Variants in IPMK observed in about 807,000 individuals in gnomAD.
The protein encoded by IPMK is inositol 1,3,4,6-tetrakisphosphate 5-kinase.
Under a neutral mutation model 45.8 loss-of-function variants are expected in IPMK, and 17 were observed. The observed-to-expected ratio is 0.37, with a 90% CI of 0.25 to 0.56. The LOEUF (loss-of-function observed/expected upper bound fraction) is 0.56. IPMK is among the 20% of genes least tolerant of loss of function. The pLI is 0.79. For missense variants in IPMK, 399 were observed against 498.0 expected (o/e 0.80, Z 1.89); for synonymous variants, 180 against 184.3 (o/e 0.98, Z 0.19).
chr10:58,237,464 T>C (rs998390231), intron 2 of IPMK, among the ~76,000 whole-genome samples: 2 of 152,224 alleles, frequency 1.3e-5, no homozygotes, highest in African/African-American at 4.8e-5. Flanking sequence ...AAATGTTGCC[T>C]CACACAGAGG....
chr10:58,200,959 A>G (rs1242201211), intron 4 of IPMK, among the ~76,000 whole-genome samples: 1 of 152,192 alleles, frequency 6.6e-6, no homozygotes, highest in African/African-American at 2.4e-5. Context: ...TATCATTTCT[A>G]TGTGTTCACA....
chr10:58,196,828 G>T (rs1456881280), intron 5 of IPMK, 130 bp from the exon 6 acceptor site: 3 of 649,696 alleles, frequency 4.6e-6, no homozygotes, highest in African/African-American at 1.9e-5. Flanking sequence ...GTTAATCCTA[G>T]AATTCTAAGA....
intron 1 of IPMK, among the ~76,000 whole-genome samples, chr10:58,255,291 G>A (rs1349192886): frequency 6.6e-6 from 1 of 152,230 alleles, no homozygotes; most frequent in African/African-American, 2.4e-5. Context: ...CTGTGACATG[G>A]AGCTGGAGTG....
chr10:58,197,538 T>A (rs962974664), intron 5 of IPMK, among the ~76,000 whole-genome samples: 5 of 150,766 alleles, frequency 3.3e-5, no homozygotes, highest in Admixed American at 6.6e-5. Flanking sequence ...TAGTCCTAGA[T>A]ACTCGGGAGG....
chr10:58,192,941 T>G lies in IPMK; in HGVS notation c.*3135A>C, dbSNP rs894741469. The G allele has an allele frequency of 6.6e-6, 1 of 151,950 alleles. No homozygotes were observed. Among genetic ancestry groups the G allele is most frequent in the African/African-American group, 2.4e-5 (1 of 41,436 alleles). 9.4% of individuals were successfully genotyped at this position (151,950 alleles called of 1,614,324 possible). A position where few individuals can be genotyped will look rare whatever the true frequency, so the allele number is the denominator to read the frequency against. On this transcript the variant is annotated 3_prime_UTR_variant, in exon 6 of 6. Coordinates refer to ENST00000373935, the MANE Select transcript of IPMK (RefSeq NM_152230.5). ...GAAGGTAAGCATTATAAACAATTTT[T>G]AAAGCAAAACAAGTTTTAAAGTATA...
chr10:58,231,611 A>G (rs1838521958), intron 2 of IPMK, among the ~76,000 whole-genome samples: 1 of 152,204 alleles, frequency 6.6e-6, no homozygotes. Context: ...AAAATCCTTT[A>G]CAGACAAGTA....
chr10:58,240,896 C>T (rs1838687113), intron 1 of IPMK, among the ~76,000 whole-genome samples: 1 of 152,054 alleles, frequency 6.6e-6, no homozygotes, highest in Non-Finnish European at 1.5e-5. Flanking sequence ...GAAAAAGTGA[C>T]CATCAGAGGT....
Position 58,213,618 on chromosome 10 carries a change from C to T in IPMK, c.546+2527G>A, listed in dbSNP as rs571662440. Among the ~76,000 whole-genome samples the T allele has an allele frequency of 1.8e-3, 270 of 150,400 alleles. 1 individual carries two copies. Among genetic ancestry groups the T allele is most frequent in the African/African-American group, 6.3e-3 (259 of 40,910 alleles). On this transcript the variant is annotated intron_variant, in intron 4 of 5. Coordinates refer to ENST00000373935, the MANE Select transcript of IPMK (RefSeq NM_152230.5). The stretch of plus-strand genomic sequence containing the variant: ...AGGAGAATGGCATGAAGCCAGGAGG[C>T]GGAGCTTGCAGTGAGCAGAGATGCG...
At chr10:58,266,007 T>C (rs1839141906) in intron 1 of IPMK, among the ~76,000 whole-genome samples, 1 of 152,224 alleles carries the variant, frequency 6.6e-6, no homozygotes, top group Non-Finnish European at 1.5e-5. Flanking sequence ...TATAAATCAA[T>C]AGGCATTCCT....
At chr10:58,232,755 G>A (rs2590319) in intron 2 of IPMK, among the ~76,000 whole-genome samples, 51,494 of 151,908 alleles carry the variant, frequency 0.34, 10,968 homozygotes, top group African/African-American at 0.61. Flanking sequence ...ACACCCTAAC[G>A]TCACAATTAA....
chr10:58,243,143 A>T (rs1449261574), intron 1 of IPMK, among the ~76,000 whole-genome samples: 1 of 152,206 alleles, frequency 6.6e-6, no homozygotes, highest in Non-Finnish European at 1.5e-5. Flanking sequence ...TAGGAAAAAA[A>T]TCAGAGAAAG....
rs145199189 is a variant in IPMK at position 58,237,494 on chromosome 10, C to A, written c.276+235G>T. Among the ~76,000 whole-genome samples the A allele has an allele frequency of 4.2e-3, 637 of 152,238 alleles. 3 individuals are homozygous for A. The highest frequency in any genetic ancestry group is 0.015 in the African/African-American group (608 of 41,536). On this transcript the variant is annotated intron_variant, in intron 2 of 5. Coordinates refer to ENST00000373935, the MANE Select transcript of IPMK (RefSeq NM_152230.5). ...CAGAGGGTAATTTTAATTTCCTTAACCTGAGAAGAAGTATCTACCATAAAC... is the reference window on the plus strand; with the variant it reads ...CAGAGGGTAATTTTAATTTCCTTAAACTGAGAAGAAGTATCTACCATAAAC...
intron 1 of IPMK, among the ~76,000 whole-genome samples, chr10:58,260,638 T>C (rs1034625674): frequency 1.3e-5 from 2 of 152,132 alleles, no homozygotes; most frequent in Non-Finnish European, 2.9e-5. Context: ...GGCATATTTT[T>C]AATAAATTTA....
intron 4 of IPMK, 60 bp downstream of exon 4, chr10:58,216,085 A>AT: frequency 8.9e-7 from 1 of 1,118,098 alleles, no homozygotes; most frequent in Non-Finnish European, 1.2e-6. Flanking sequence ...GACATCCATA[A>AT]TTTTCAAGGG....
chr10:58,267,376 G>A (rs751077537), intron 1 of IPMK, 46 bp downstream of exon 1: 1 of 1,591,524 alleles, frequency 6.3e-7, no homozygotes, highest in South Asian at 1.1e-5. Flanking sequence ...CAGGGGGCTC[G>A]CACAGGCGGA....
At chr10:58,205,485 G>A (rs1054709786) in intron 4 of IPMK, among the ~76,000 whole-genome samples, 2 of 152,134 alleles carry the variant, frequency 1.3e-5, no homozygotes, top group East Asian at 3.9e-4. Flanking sequence ...CTACTAGGAT[G>A]GCTTATAGCA....
chr10:58,257,582 G>A (rs1838991394), intron 1 of IPMK, among the ~76,000 whole-genome samples: 1 of 151,994 alleles, frequency 6.6e-6, no homozygotes. Flanking sequence ...TATTTGACAA[G>A]GCAATGGCTG....
chr10:58,264,473 T>C (rs1424029448), intron 1 of IPMK, among the ~76,000 whole-genome samples: 1 of 152,204 alleles, frequency 6.6e-6, no homozygotes, highest in East Asian at 1.9e-4. Context: ...TCAAGAAATA[T>C]CAGATTTCCA....
intron 1 of IPMK, among the ~76,000 whole-genome samples, chr10:58,263,918 G>A (rs1404877548): frequency 1.3e-5 from 2 of 152,176 alleles, no homozygotes; most frequent in African/African-American, 4.8e-5. Context: ...ATAAAGGACA[G>A]GGAAAGGCTG....
Sources: gnomAD v4.1 joint callset for allele counts (sites outside exome capture counted in the v4.1 genomes callset) on GRCh38, gnomAD v4.1.1 for gene constraint, MANE v1.5 for transcripts, NCBI Gene and HGNC (gene_info 2026-07-23, HGNC 2026-07-21) for gene names.